Variants in GRAMD1B observed in about 807,000 individuals in gnomAD.
GRAMD1B encodes the protein protein Aster-B.
A neutral mutation model predicts 99.7 loss-of-function variants in GRAMD1B; 37 were observed. That is an observed-to-expected ratio of 0.37 (90% CI 0.29 to 0.49). GRAMD1B has a LOEUF of 0.49. Ranked by LOEUF, GRAMD1B falls within the 20% of genes least tolerant of loss-of-function variation. The pLI, the probability that GRAMD1B is intolerant of heterozygous loss-of-function variation, is 0.98. For synonymous variants in GRAMD1B, 427 were observed against 387.6 expected (o/e 1.10, Z -1.19); for missense variants, 888 against 1,009.2 (o/e 0.88, Z 1.63).
intron 1 of GRAMD1B, among the ~76,000 whole-genome samples, chr11:123,455,735 TTC>T (rs1302214139): frequency 6.6e-6 from 1 of 152,212 alleles, no homozygotes; most frequent in Non-Finnish European, 1.5e-5. Context: ...TCTTTTATTT[TTC>T]TCTGTTGATG....
intron 1 of GRAMD1B, among the ~76,000 whole-genome samples, chr11:123,371,228 T>C (rs952208987): frequency 1.3e-5 from 2 of 152,094 alleles, no homozygotes; most frequent in Non-Finnish European, 2.9e-5. Flanking sequence ...AGAAAGGCTG[T>C]AAAAATCCAG....
At position 123,515,550 on chromosome 11, in the gene GRAMD1B, G is replaced by A. The variant is rs369773377; in HGVS notation, c.452+34657G>A. Among the ~76,000 whole-genome samples the A allele has an allele frequency of 2.4e-4, 36 of 152,168 alleles. 1 individual carries two copies. Among genetic ancestry groups the A allele is most frequent in the African/African-American group, 8.4e-4 (35 of 41,438 alleles). ...GCAGAGGCTCTCCTTATAGGATGAG[G>A]TCTTAGAACGGAGAGCCTTCTTCAT... On this transcript the variant is annotated intron_variant, in intron 2 of 19. Transcript: ENST00000635736.
chr11:123,524,016 T>C (rs1206724585), intron 2 of GRAMD1B, among the ~76,000 whole-genome samples: 1 of 152,190 alleles, frequency 6.6e-6, no homozygotes, highest in African/African-American at 2.4e-5. Context: ...CTTTCTTTCG[T>C]TTTTTACTTG....
intron 7 of GRAMD1B, chr11:123,598,642 C>T (rs530063783): frequency 1.5e-6 from 2 of 1,310,424 alleles, no homozygotes; most frequent in African/African-American, 1.5e-5. Context: ...CATTTCAGTC[C>T]TAAAGCTAAG....
rs949137898 is a variant in GRAMD1B, at chr11:123,373,602, A to G, written c.-176+14803A>G. Among the ~76,000 whole-genome samples the G allele has an allele frequency of 3.5e-4, 54 of 152,194 alleles. 1 individual carries two copies. The highest frequency in any genetic ancestry group is 5.9e-5 in the Non-Finnish European group (4 of 68,024). ...GAAAAGGCATAGTGGAAGAGGATAA[A>G]ACATTCTTTGAAAGAAGGAAATCTC... On this transcript the variant is annotated intron_variant, in intron 1 of 20. Coordinates refer to the GRAMD1B transcript ENST00000638157.
At position 123,492,949 on chromosome 11, in the gene GRAMD1B, A is replaced by C. The variant is rs1043648354; in HGVS notation, c.452+12056A>C. 6.6e-6 allele frequency among the ~76,000 whole-genome samples: 1 copy of C among 151,890 alleles called. No individual in the cohort carries two copies. Among genetic ancestry groups the C allele is most frequent in the Non-Finnish European group, 1.5e-5 (1 of 67,960 alleles). On this transcript the variant is annotated intron_variant, in intron 2 of 19. Transcript: ENST00000635736. The surrounding 1 kb of genome is among the most constrained non-coding windows in gnomAD (Gnocchi z 4.2). ...AGCTGTCTATTGACAAGGGTTTCTCATGGCTAAAGTTTTGGGGCTGGTGAG... is the reference window on the plus strand; with the variant it reads ...AGCTGTCTATTGACAAGGGTTTCTCCTGGCTAAAGTTTTGGGGCTGGTGAG...
intron 1 of GRAMD1B, chr11:123,454,653 G>T (rs971581632): frequency 5.9e-5 from 9 of 152,348 alleles, no homozygotes; most frequent in African/African-American, 1.9e-4. Flanking sequence ...AGCTTAAGCA[G>T]TACTGCCACC....
chr11:123,627,713 G>C lies in GRAMD1B; in HGVS notation c.*5118G>C, dbSNP rs1955573272. On this transcript the variant is annotated 3_prime_UTR_variant, in exon 20 of 20. Transcript: ENST00000635736. ...CCCAGCCAAATCTTAATGTAAAGTA[G>C]CTAGAGCCATGGAAGTACAGTATGA... The C allele has an allele frequency of 6.6e-6, 1 of 152,272 alleles. No individual in the cohort carries two copies. Among genetic ancestry groups the C allele is most frequent in the South Asian group, 2.1e-4 (1 of 4,836 alleles). 9.4% of individuals were successfully genotyped at this position (152,272 alleles called of 1,614,324 possible). A position where few individuals can be genotyped will look rare whatever the true frequency, so the allele number is the denominator to read the frequency against.
At chr11:123,366,496 T>C (rs1946325294) in intron 1 of GRAMD1B, among the ~76,000 whole-genome samples, 1 of 152,254 alleles carries the variant, frequency 6.6e-6, no homozygotes, top group African/African-American at 2.4e-5. Flanking sequence ...AAGCCTGATA[T>C]CTCTGAGCAA....
chr11:123,590,249 C>T (rs1950516917), intron 4 of GRAMD1B, among the ~76,000 whole-genome samples: 1 of 152,184 alleles, frequency 6.6e-6, no homozygotes. Context: ...CCACCACCAG[C>T]GTGTCTGAAA....
intron 2 of GRAMD1B, among the ~76,000 whole-genome samples, chr11:123,572,061 T>C (rs889857546): frequency 6.6e-6 from 1 of 152,224 alleles, no homozygotes; most frequent in African/African-American, 2.4e-5. Context: ...CAAAATGAAC[T>C]TGAATGCCTC....
intron 2 of GRAMD1B, among the ~76,000 whole-genome samples, chr11:123,536,589 A>G (rs1214754127): frequency 6.6e-6 from 1 of 151,890 alleles, no homozygotes; most frequent in East Asian, 1.9e-4. Context: ...TTTTTGTTTT[A>G]TATTTAGCAC....
intron 1 of GRAMD1B, among the ~76,000 whole-genome samples, chr11:123,478,141 G>A (rs913434900): frequency 4.0e-5 from 6 of 151,708 alleles, no homozygotes; most frequent in Non-Finnish European, 7.4e-5. Context: ...ACAGTCTTCC[G>A]AGTAGCTGGG....
At chr11:123,456,272 G>A (rs1271777461) in intron 1 of GRAMD1B, among the ~76,000 whole-genome samples, 1 of 152,202 alleles carries the variant, frequency 6.6e-6, no homozygotes, top group Non-Finnish European at 1.5e-5. Flanking sequence ...GTCAGCAGAA[G>A]CACCAGAGGG....
At chr11:123,431,779 G>T (rs1311940652) in intron 1 of GRAMD1B, among the ~76,000 whole-genome samples, 3 of 152,222 alleles carry the variant, frequency 2.0e-5, no homozygotes, top group Non-Finnish European at 4.4e-5. Flanking sequence ...CAAGACTGTG[G>T]TTTGTACCAG....
At chr11:123,513,797 C>A (rs888139509) in intron 2 of GRAMD1B, among the ~76,000 whole-genome samples, 1 of 151,718 alleles carries the variant, frequency 6.6e-6, no homozygotes, top group African/African-American at 2.4e-5. Context: ...GGTGGGACTA[C>A]AGGTGCATGC....
chr11:123,452,939 C>G (rs1454773080), intron 1 of GRAMD1B, among the ~76,000 whole-genome samples: 1 of 152,166 alleles, frequency 6.6e-6, no homozygotes, highest in South Asian at 2.1e-4. Context: ...TTCACAGGCA[C>G]CACTGAAGTA....
At chr11:123,615,943 C>G (rs569203250) in intron 17 of GRAMD1B, among the ~76,000 whole-genome samples, 1 of 152,302 alleles carries the variant, frequency 6.6e-6, no homozygotes, top group Non-Finnish European at 1.5e-5. Flanking sequence ...ACTCTTTCAC[C>G]AACCTTAATA....
At chr11:123,435,891 ACAGT>A (rs1278254892) in intron 1 of GRAMD1B, among the ~76,000 whole-genome samples, 6 of 151,648 alleles carry the variant, frequency 4.0e-5, no homozygotes, top group East Asian at 1.9e-4. Context: ...AACCATCACC[ACAGT>A]CAGTTTTTAA....
Sources: allele counts gnomAD v4.1 joint callset (sites outside exome capture counted in the v4.1 genomes callset), GRCh38; gene constraint gnomAD v4.1.1; non-coding constraint Gnocchi (gnomAD v3.1); transcripts MANE v1.5; gene names NCBI Gene and HGNC (gene_info 2026-07-23, HGNC 2026-07-21).